The following LEMD3 variants were observed in gnomAD, a reference collection of about 807,000 sequenced individuals.
LEMD3 encodes LEM domain containing 3.
Under a neutral mutation model 95.2 loss-of-function variants are expected in LEMD3, and 33 were observed. That is an observed-to-expected ratio of 0.35 (90% confidence interval 0.26 to 0.46). The LOEUF is 0.46. Among genes scored for constraint, LEMD3 ranks in the 20% least tolerant of loss-of-function variants. The probability of loss-of-function intolerance (pLI) is 1.00; values close to 1 mark genes in which losing one functional copy is unlikely to be tolerated. For missense variants in LEMD3, 1,210 were observed against 1,192.8 expected (o/e 1.01, Z -0.21); for synonymous variants, 525 against 474.6 (o/e 1.11, Z -1.38).
chr12:65,213,666 C>T (rs752931012), intron 2 of LEMD3, among the ~76,000 whole-genome samples: 1 of 152,120 alleles, frequency 6.6e-6, no homozygotes, highest in East Asian at 1.9e-4. Flanking sequence ...AGTGTTGTTA[C>T]TTCTATTTAT....
chr12:65,174,511 T>TA (rs1326496135), intron 1 of LEMD3, among the ~76,000 whole-genome samples: 2 of 152,190 alleles, frequency 1.3e-5, no homozygotes, highest in East Asian at 1.9e-4. Context: ...GCAGAAAGTT[T>TA]GAATAGAGAT....
intron 8 of LEMD3, 32 bp downstream of exon 8, chr12:65,240,270 T>C (rs765044696): frequency 2.0e-6 from 3 of 1,495,944 alleles, no homozygotes; most frequent in Admixed American, 1.7e-5. Context: ...TTCAAGTAAA[T>C]CAGAAAATTT....
At chr12:65,228,865 T>A (rs1870538123) in intron 4 of LEMD3, among the ~76,000 whole-genome samples, 1 of 152,238 alleles carries the variant, frequency 6.6e-6, no homozygotes, top group African/African-American at 2.4e-5. Context: ...TTTTAGCTAT[T>A]TGAAAATATA....
In LEMD3 at chr12:65,238,818, A is replaced by G; in HGVS notation, c.1921+4A>G. On this transcript the variant is annotated splice_donor_region_variant and intron_variant, in intron 6 of 12. Coordinates refer to ENST00000308330, the MANE Select transcript of LEMD3 (RefSeq NM_014319.5). ...AGATTATTGTTGTTATGCTTAGGTA[A>G]GTTGTAAAGATAAGAAATGAGATAA... 6.2e-7 allele frequency: 1 copy of G among 1,613,952 alleles called. No homozygotes were observed. Among genetic ancestry groups the G allele is most frequent in the Non-Finnish European group, 8.5e-7 (1 of 1,179,906 alleles).
Position 65,230,875 on chromosome 12 carries a change from T to C in LEMD3, c.1696-7627T>C, listed in dbSNP as rs534791279. 2.0e-5 allele frequency among the ~76,000 whole-genome samples: 3 copies of C among 152,354 alleles called. No homozygotes were observed. In the South Asian group the frequency reaches 6.2e-4, roughly 32 times the overall value. Reference sequence around the variant, plus strand: ...TTCAGCTTTTTCTCATTCAGTATGCTGTTGGCTGTGGGTTTGCCATATATG... The same window carrying C: ...TTCAGCTTTTTCTCATTCAGTATGCCGTTGGCTGTGGGTTTGCCATATATG... On this transcript the variant is annotated intron_variant, in intron 4 of 12. Transcript: ENST00000308330.
chr12:65,184,555 T>C (rs1326823704), intron 1 of LEMD3, among the ~76,000 whole-genome samples: 5 of 152,204 alleles, frequency 3.3e-5, no homozygotes, highest in Non-Finnish European at 7.3e-5. Flanking sequence ...TTCCAACTTA[T>C]ACTGGCCTAA....
chr12:65,212,536 C>CAAAAAAA (rs35873080), intron 2 of LEMD3, among the ~76,000 whole-genome samples: 1 of 103,442 alleles, frequency 9.7e-6, no homozygotes, highest in Non-Finnish European at 1.9e-5. Flanking sequence ...GACTCCATCT[C>CAAAAAAA]AAAAAAAAAA....
chr12:65,170,566 G>T lies in LEMD3; in HGVS notation c.970G>T (p.Ala324Ser). The T allele has an allele frequency of 6.2e-7, 1 of 1,613,916 alleles. No individual in the cohort carries two copies. Among genetic ancestry groups the T allele is most frequent in the Middle Eastern group, 1.7e-4 (1 of 6,058 alleles). Residue 324 changes from alanine to serine, a missense_variant, in exon 1 of 13, where the codon GCT (alanine) becomes TCT (serine). By Grantham distance (99) the Ala-to-Ser change is moderately conservative. This residue lies in a region of LEMD3 where 749 missense variants were observed against 622.9 expected (regional missense o/e 1.20). Coordinates refer to ENST00000308330, the MANE Select transcript of LEMD3 (RefSeq NM_014319.5). ...GGLAMNDRAA[A>S]AGSLDRSRNL... is the part of the protein sequence containing the mutation. ...ACTCGCGATGAATGACAGGGCGGCG[G>T]CTGCCGGGAGTCTAGACAGGAGCCG...
chr12:65,228,629 C>T (rs938567402), intron 4 of LEMD3, among the ~76,000 whole-genome samples: 1 of 152,060 alleles, frequency 6.6e-6, no homozygotes, highest in African/African-American at 2.4e-5. Context: ...ATCTCCTGAC[C>T]TCGTCATCTG....
chr12:65,192,262 A>G (rs1005591426), intron 1 of LEMD3, among the ~76,000 whole-genome samples: 1 of 152,224 alleles, frequency 6.6e-6, no homozygotes, highest in African/African-American at 2.4e-5. Flanking sequence ...TAACTTTTAA[A>G]TATAAAATTC....
chr12:65,233,714 T>C (rs1396096165), intron 4 of LEMD3, among the ~76,000 whole-genome samples: 2 of 152,184 alleles, frequency 1.3e-5, no homozygotes, highest in African/African-American at 2.4e-5. Context: ...TTTCTCCCTA[T>C]ACCAGTGCCT....
At chr12:65,215,903 T>TTG (rs1870092987) in intron 2 of LEMD3, 74 bp from the exon 3 acceptor site, 2 of 609,902 alleles carry the variant, frequency 3.3e-6, no homozygotes, top group African/African-American at 3.7e-5. Flanking sequence ...CTGTTTTTTT[T>TTG]TTTTTGATTA....
chr12:65,174,640 A>C (rs956199006), intron 1 of LEMD3, among the ~76,000 whole-genome samples: 5 of 152,078 alleles, frequency 3.3e-5, no homozygotes, highest in Non-Finnish European at 7.4e-5. Flanking sequence ...ATGTAAATAC[A>C]TCTCTGTGTG....
intron 1 of LEMD3, among the ~76,000 whole-genome samples, chr12:65,181,871 T>C (rs1352796397): frequency 2.0e-5 from 3 of 152,234 alleles, no homozygotes; most frequent in Admixed American, 1.3e-4. Context: ...TCTAGAAATA[T>C]TCTTATCCTT....
At position 65,170,180 on chromosome 12, in the gene LEMD3, CGTG is replaced by C. The variant is rs1565775656; in HGVS notation, c.589_591del (p.Trp197del). Reference sequence around the variant, plus strand: ...TCTGCAGAGCGAAGGAAGCCCCACTCGTGGTGGGGGGCCAGGAGGCCGGCGGGC... The same window carrying C: ...TCTGCAGAGCGAAGGAAGCCCCACTCGTGGGGGGCCAGGAGGCCGGCGGGC... On this transcript the variant is annotated inframe_deletion, in exon 1 of 13. Coordinates refer to ENST00000308330, the MANE Select transcript of LEMD3 (RefSeq NM_014319.5). 6.7e-7 allele frequency: 1 copy of C among 1,498,050 alleles called. No homozygotes were observed. The highest frequency in any genetic ancestry group is 8.9e-7 in the Non-Finnish European group (1 of 1,126,600). The allele number at this position is 1,498,050 out of a possible 1,614,324, so 92.8% of individuals were successfully genotyped here. A position where few individuals can be genotyped will look rare whatever the true frequency, so the allele number is the denominator to read the frequency against.
chr12:65,216,687 A>G lies in LEMD3; in HGVS notation c.1627+644A>G, dbSNP rs539975910. ...GAGACTTGGATTCTTGTAAGCAGGC[A>G]TAAGAAAAGAAAAATGCAGTTTTCA... On this transcript the variant is annotated intron_variant, in intron 3 of 12. Coordinates refer to ENST00000308330, the MANE Select transcript of LEMD3 (RefSeq NM_014319.5). Among the ~76,000 whole-genome samples, 9 of 152,130 alleles carry G rather than the reference A, an allele frequency of 5.9e-5. No homozygotes were observed. In the East Asian group the frequency reaches 1.4e-3, roughly 23 times the overall value.
chr12:65,193,851 G>A (rs1294289602), intron 1 of LEMD3, among the ~76,000 whole-genome samples: 1 of 151,390 alleles, frequency 6.6e-6, no homozygotes, highest in Non-Finnish European at 1.5e-5. Flanking sequence ...GAAACTGGAC[G>A]TTGCACTTTC....
rs1565775090 is a variant in LEMD3 at position 65,169,655 on chromosome 12, A to T, written c.59A>T (p.Gln20Leu). The T allele has an allele frequency of 6.3e-7, 1 of 1,585,374 alleles. No homozygotes were observed. The highest frequency in any genetic ancestry group is 1.1e-5 in the South Asian group (1 of 87,276). ...QQLSDEELFS[Q>L]LRRYGLSPGP... ...CTCTCGGATGAGGAGCTTTTCTCTC[A>T]GCTCCGCCGTTACGGCCTGTCTCCC... Residue 20 changes from glutamine to leucine, a missense_variant, in exon 1 of 13, where the codon CAG becomes CTG. Gln to Leu is a moderately radical substitution (Grantham distance 113, BLOSUM62 -2). Coordinates refer to ENST00000308330, the MANE Select transcript of LEMD3 (RefSeq NM_014319.5).
At chr12:65,206,231 A>G (rs545127235) in intron 1 of LEMD3, among the ~76,000 whole-genome samples, 2 of 152,310 alleles carry the variant, frequency 1.3e-5, no homozygotes, top group South Asian at 4.1e-4. Flanking sequence ...GTCTGTTTAC[A>G]TAAAGATGTA....
Sources: allele counts gnomAD v4.1 joint callset (sites outside exome capture counted in the v4.1 genomes callset), GRCh38; gene constraint gnomAD v4.1.1; regional missense constraint gnomAD v4.1.1; transcripts MANE v1.5; gene names NCBI Gene and HGNC (gene_info 2026-07-23, HGNC 2026-07-21).